The following ANKRD28 variants were observed in gnomAD, a reference collection of about 807,000 sequenced individuals.
ANKRD28 encodes the protein ankyrin repeat domain 28, also known as serine/threonine-protein phosphatase 6 regulatory ankyrin repeat subunit A.
In ANKRD28, 44 loss-of-function variants were observed where a neutral mutation model predicts 126.5. That is an observed-to-expected ratio of 0.35 (90% CI 0.27 to 0.45). The LOEUF is 0.45. Among genes scored for constraint, ANKRD28 ranks in the 20% least tolerant of loss-of-function variants. The pLI, the probability that ANKRD28 is intolerant of heterozygous loss-of-function variation, is 1.00. For synonymous variants in ANKRD28, 442 were observed against 468.5 expected, an observed-to-expected ratio of 0.94 and a Z score of 0.73; for missense variants, 1,110 against 1,316.6, an observed-to-expected ratio of 0.84 and a Z score of 2.43.
chr3:15,793,642 A>G (rs1387776487), intron 2 of ANKRD28, among the ~76,000 whole-genome samples: 6 of 152,208 alleles, frequency 3.9e-5, no homozygotes. Context: ...AAATAACAAG[A>G]AAACCTTAGG....
chr3:15,727,116 G>T (rs2074229787), intron 6 of ANKRD28, among the ~76,000 whole-genome samples: 1 of 152,192 alleles, frequency 6.6e-6, no homozygotes, highest in Non-Finnish European at 1.5e-5. Context: ...TTTCGTGCCT[G>T]CTAACACAAT....
exon 1 of ANKRD28, chr3:15,859,557 G>C (rs1287661092): frequency 1.6e-5 from 7 of 443,164 alleles, no homozygotes; most frequent in African/African-American, 2.2e-5. Context: ...TGCGGGCAGG[G>C]GGCGGCGCCG....
chr3:15,790,766 A>T (rs1006325770), intron 2 of ANKRD28, among the ~76,000 whole-genome samples: 1 of 152,152 alleles, frequency 6.6e-6, no homozygotes, highest in Non-Finnish European at 1.5e-5. Context: ...GTTATTTAAC[A>T]TAGTACTGGA....
At chr3:15,847,272 A>G (rs2061550299) in intron 1 of ANKRD28, among the ~76,000 whole-genome samples, 1 of 152,240 alleles carries the variant, frequency 6.6e-6, no homozygotes, top group African/African-American at 2.4e-5. Context: ...GAAAAAATTA[A>G]GACTTCATGT....
intron 24 of ANKRD28, 32 bp downstream of exon 24, chr3:15,678,177 A>G (rs1214796622): frequency 6.3e-7 from 1 of 1,576,590 alleles, no homozygotes; most frequent in Non-Finnish European, 8.6e-7. Flanking sequence ...ACACATACTT[A>G]GGAAAATACA....
At position 15,709,721 on chromosome 3, in the gene ANKRD28, T is replaced by A; in HGVS notation, c.1353A>T (p.Leu451=). 1 of 1,572,658 alleles carries A rather than the reference T, an allele frequency of 6.4e-7. No homozygotes were observed. Among genetic ancestry groups the A allele is most frequent in the Non-Finnish European group, 8.6e-7 (1 of 1,157,830 alleles). ...CTGCACCAGTATTCAGCAGAAGGTT[T>A]AGGCACTCCAAATTCCTATTGAGAG... ...AAAAGGNLEC[L]NLLLNTGADF... is the part of the protein sequence containing the mutation. Residue 451 remains leucine, a synonymous_variant, in exon 13 of 28, where the codon CTA becomes CTT. Coordinates refer to ENST00000683139, the MANE Select transcript of ANKRD28 (RefSeq NM_001349278.2).
chr3:15,762,214 CAA>C (rs778300634), intron 3 of ANKRD28, among the ~76,000 whole-genome samples: 33 of 52,514 alleles, frequency 6.3e-4, no homozygotes, highest in East Asian at 8.4e-4. Context: ...AAAAAAAAAA[CAA>C]AACAAAAAAA....
chr3:15,726,762 T>C (rs182356465), intron 6 of ANKRD28, among the ~76,000 whole-genome samples: 2 of 152,252 alleles, frequency 1.3e-5, no homozygotes, highest in Admixed American at 6.5e-5. Context: ...TCAAGGACTT[T>C]CGTTGCTAGA....
At chr3:15,792,869 CTAAAA>C (rs1471263685) in intron 2 of ANKRD28, among the ~76,000 whole-genome samples, 1 of 151,974 alleles carries the variant, frequency 6.6e-6, no homozygotes, top group African/African-American at 2.4e-5. Flanking sequence ...TTAAAACCCA[CTAAAA>C]TAAGAAGAAA....
rs575779749 is a variant in ANKRD28, at chr3:15,749,127, G to A, written c.351+2623C>T. 4.6e-3 allele frequency among the ~76,000 whole-genome samples: 452 copies of A among 97,650 alleles called. 4 individuals are homozygous for A. Among genetic ancestry groups the A allele is most frequent in the African/African-American group, 0.019 (394 of 20,584 alleles). 64.1% of individuals were successfully genotyped at this position (97,650 alleles called of 152,430 possible). A position where few individuals can be genotyped will look rare whatever the true frequency, so the allele number is the denominator to read the frequency against. ...TTTTTTTTTTTTTTTTTTTTGAGAC[G>A]GAGTCTCGCTCTGTCGCCCAGGCCG... On this transcript the variant is annotated intron_variant, in intron 4 of 27. Transcript: ENST00000683139.
chr3:15,774,571 A>C (rs1473348068), intron 2 of ANKRD28, among the ~76,000 whole-genome samples: 2 of 152,196 alleles, frequency 1.3e-5, no homozygotes, highest in Non-Finnish European at 2.9e-5. Context: ...TGTAAGCAGC[A>C]AAATGTTAAA....
chr3:15,841,866 G>T (rs2061429665), intron 1 of ANKRD28, among the ~76,000 whole-genome samples: 1 of 151,978 alleles, frequency 6.6e-6, no homozygotes, highest in Admixed American at 6.6e-5. Flanking sequence ...AGAACAGTTT[G>T]GAGGTTCCTC....
intron 4 of ANKRD28, among the ~76,000 whole-genome samples, chr3:15,749,095 GTTTTTGTT>G (rs773949546): frequency 0.26 from 27,876 of 106,540 alleles, 4,267 homozygotes; most frequent in East Asian, 0.42. Context: ...TCTATATTAT[GTTTTTGTT>G]TTTTTTTTTT....
intron 8 of ANKRD28, 62 bp from the exon 9 acceptor site, chr3:15,714,718 T>C: frequency 8.9e-7 from 1 of 1,122,608 alleles, no homozygotes; most frequent in South Asian, 1.7e-5. Flanking sequence ...ACCTTAGTTT[T>C]ACTTTGAATA....
chr3:15,689,063 A>T (rs1446058310), intron 18 of ANKRD28, among the ~76,000 whole-genome samples: 1 of 152,184 alleles, frequency 6.6e-6, no homozygotes, highest in Non-Finnish European at 1.5e-5. Flanking sequence ...GTTTTAAGTG[A>T]TGATAGTCTT....
intron 6 of ANKRD28, chr3:15,731,878 G>T (rs1174704317): frequency 7.4e-6 from 1 of 135,506 alleles, no homozygotes; most frequent in Non-Finnish European, 1.5e-5. Context: ...AAAAAAAGGG[G>T]GGGGGGGTGT....
At position 15,708,083 on chromosome 3, in the gene ANKRD28, T is replaced by C. The variant is rs1400424107; in HGVS notation, c.1407-19A>G. On this transcript the variant is annotated intron_variant, in intron 13 of 27. Coordinates refer to ENST00000683139, the MANE Select transcript of ANKRD28 (RefSeq NM_001349278.2). Reference sequence around the variant, plus strand: ...TGGAGATCTTTTGGGTCCAAGTTAATACAAGAAAGATAAAAGCCAGAGACA... The same window carrying C: ...TGGAGATCTTTTGGGTCCAAGTTAACACAAGAAAGATAAAAGCCAGAGACA... 6.3e-7 allele frequency: 1 copy of C among 1,585,548 alleles called. No individual in the cohort carries two copies.
chr3:15,680,008 C>CGAT (rs2067370305), intron 21 of ANKRD28, among the ~76,000 whole-genome samples: 1 of 152,054 alleles, frequency 6.6e-6, no homozygotes, highest in Non-Finnish European at 1.5e-5. Context: ...AATACTATCC[C>CGAT]ATTTTCTATA....
chr3:15,755,395 A>C (rs1319069321), intron 3 of ANKRD28, among the ~76,000 whole-genome samples: 1 of 152,224 alleles, frequency 6.6e-6, no homozygotes, highest in Non-Finnish European at 1.5e-5. Context: ...TGTAAAAGCA[A>C]CAAACATAGC....
Sources: gnomAD v4.1 joint callset for allele counts (sites outside exome capture counted in the v4.1 genomes callset) on GRCh38, gnomAD v4.1.1 for gene constraint, MANE v1.5 for transcripts, NCBI Gene and HGNC (gene_info 2026-07-23, HGNC 2026-07-21) for gene names.